GRIA1: variants seen among roughly 807,000 people sequenced by gnomAD.
GRIA1 encodes the protein glutamate receptor 1.
A neutral mutation model predicts 99.2 loss-of-function variants in GRIA1; 31 were observed. The ratio of observed to expected loss-of-function variants is 0.31; its 90% CI spans 0.23 to 0.42. The LOEUF is 0.42. Ranked by LOEUF, GRIA1 falls within the 10% of genes least tolerant of loss-of-function variation. The probability of loss-of-function intolerance (pLI) is 1.00; values close to 1 mark genes in which losing one functional copy is unlikely to be tolerated. For synonymous variants in GRIA1, 438 were observed against 432.4 expected (o/e 1.01, Z -0.16); for missense variants, 782 against 1,157.5 (o/e 0.68, Z 4.71).
intron 2 of GRIA1, among the ~76,000 whole-genome samples, chr5:153,584,880 A>C (rs1763337179): frequency 6.6e-6 from 1 of 152,230 alleles, no homozygotes; most frequent in Non-Finnish European, 1.5e-5. Context: ...ACAATGGAAA[A>C]GCATAGGGAA....
chr5:153,757,948 G>C (rs866293526), intron 11 of GRIA1, among the ~76,000 whole-genome samples: 3 of 151,938 alleles, frequency 2.0e-5, no homozygotes, highest in South Asian at 2.1e-4. Flanking sequence ...TACATTATTA[G>C]TACAAAGACT....
chr5:153,760,745 A>G (rs1763125967), intron 11 of GRIA1, among the ~76,000 whole-genome samples: 1 of 152,078 alleles, frequency 6.6e-6, no homozygotes, highest in Admixed American at 6.6e-5. Context: ...GAACAAAGCT[A>G]GAAGCACCAC....
At chr5:153,660,443 A>G (rs1656320472) in intron 5 of GRIA1, among the ~76,000 whole-genome samples, 2 of 152,150 alleles carry the variant, frequency 1.3e-5, no homozygotes, top group South Asian at 2.1e-4. Flanking sequence ...AAAGTGATGG[A>G]GCTGCACTTC....
chr5:153,658,997 C>CA (rs3037013), intron 5 of GRIA1, among the ~76,000 whole-genome samples: 58 of 141,464 alleles, frequency 4.1e-4, no homozygotes, highest in South Asian at 1.1e-3. Flanking sequence ...AACAAACAAA[C>CA]AAAAAAAAAA....
chr5:153,807,759 C>G (rs1435646359), intron 15 of GRIA1, among the ~76,000 whole-genome samples: 1 of 152,208 alleles, frequency 6.6e-6, no homozygotes, highest in East Asian at 1.9e-4. Context: ...AGGTCCCCTG[C>G]CCCTCCCCTC....
chr5:153,768,831 G>A (rs1394997833), intron 12 of GRIA1, among the ~76,000 whole-genome samples: 1 of 152,144 alleles, frequency 6.6e-6, no homozygotes, highest in African/African-American at 2.4e-5. Context: ...TTTTTAAAAA[G>A]TAGTCCGTTA....
chr5:153,806,922 G>A (rs1766469895), intron 15 of GRIA1, among the ~76,000 whole-genome samples: 1 of 152,156 alleles, frequency 6.6e-6, no homozygotes, highest in South Asian at 2.1e-4. Flanking sequence ...ACTCCAACAT[G>A]GTCTCCACAA....
chr5:153,718,980 T>G (rs982024077), intron 11 of GRIA1, among the ~76,000 whole-genome samples: 1 of 152,214 alleles, frequency 6.6e-6, no homozygotes, highest in African/African-American at 2.4e-5. Flanking sequence ...ACTTTGCTAG[T>G]GTTACTCATT....
chr5:153,698,642 A>G (rs918856477), intron 9 of GRIA1, among the ~76,000 whole-genome samples: 1 of 152,206 alleles, frequency 6.6e-6, no homozygotes, highest in Admixed American at 6.5e-5. Flanking sequence ...GAAAAGCTGT[A>G]TGCCATATCT....
At chr5:153,800,256 CCCACCCCTACCCCTGTTTAAA>C (rs1388586581) in intron 14 of GRIA1, among the ~76,000 whole-genome samples, 2 of 152,104 alleles carry the variant, frequency 1.3e-5, no homozygotes, top group Non-Finnish European at 2.9e-5. Flanking sequence ...GCCTCCTAAC[CCCACCCCTACCCCTGTTTAAA>C]CAGAAGAGTT....
At chr5:153,512,537 G>A (rs1270846515) in intron 2 of GRIA1, among the ~76,000 whole-genome samples, 1 of 152,200 alleles carries the variant, frequency 6.6e-6, no homozygotes, top group Non-Finnish European at 1.5e-5. Context: ...GACTCCACAC[G>A]ACAGAGCCCA....
intron 14 of GRIA1, among the ~76,000 whole-genome samples, chr5:153,799,831 T>C (rs1237803197): frequency 6.6e-6 from 1 of 152,124 alleles, no homozygotes; most frequent in Non-Finnish European, 1.5e-5. Flanking sequence ...CCTCCAGACA[T>C]AATCAGTCAT....
At chr5:153,614,275 A>G (rs150167872) in intron 2 of GRIA1, among the ~76,000 whole-genome samples, 1,577 of 152,328 alleles carry the variant, frequency 0.01, 26 homozygotes, top group African/African-American at 0.036. Flanking sequence ...TATAAGGACA[A>G]AGACCATGTT....
intron 5 of GRIA1, among the ~76,000 whole-genome samples, chr5:153,673,681 T>C (rs1481337097): frequency 2.0e-5 from 3 of 152,218 alleles, no homozygotes; most frequent in Non-Finnish European, 4.4e-5. Context: ...AATAGACATA[T>C]AATGTTTACC....
chr5:153,730,250 T>TCAAATAA (rs1760909848), intron 11 of GRIA1, among the ~76,000 whole-genome samples: 1 of 152,146 alleles, frequency 6.6e-6, no homozygotes, highest in Admixed American at 6.6e-5. Flanking sequence ...GGACTGCATT[T>TCAAATAA]CAAATAACAA....
chr5:153,800,290 A>T (rs1765922406), intron 14 of GRIA1, among the ~76,000 whole-genome samples: 1 of 152,172 alleles, frequency 6.6e-6, no homozygotes. Flanking sequence ...GAAGAGTTTC[A>T]TAGGAACTTC....
intron 2 of GRIA1, among the ~76,000 whole-genome samples, chr5:153,523,749 G>A (rs1387187200): frequency 6.6e-6 from 1 of 152,092 alleles, no homozygotes; most frequent in Non-Finnish European, 1.5e-5. Flanking sequence ...CTACATATAG[G>A]AGATGACTGT....
At chr5:153,569,069 G>A (rs1761896986) in intron 2 of GRIA1, among the ~76,000 whole-genome samples, 1 of 152,130 alleles carries the variant, frequency 6.6e-6, no homozygotes, top group African/African-American at 2.4e-5. Context: ...TTTTTGGTGG[G>A]GGGGTCTGAT....
At chr5:153,687,715 G>C (rs1414015786) in intron 8 of GRIA1, among the ~76,000 whole-genome samples, 2 of 152,156 alleles carry the variant, frequency 1.3e-5, no homozygotes, top group Non-Finnish European at 2.9e-5. Flanking sequence ...CTACTTTAAA[G>C]TTCTCTTTGT....
Sources: allele counts gnomAD v4.1 joint callset (sites outside exome capture counted in the v4.1 genomes callset), GRCh38; gene constraint gnomAD v4.1.1; transcripts MANE v1.5; gene names NCBI Gene and HGNC (gene_info 2026-07-23, HGNC 2026-07-21).